FGD4: variants seen among roughly 807,000 people sequenced by gnomAD.
FGD4 encodes FYVE, RhoGEF and PH domain-containing protein 4.
Under a neutral mutation model 102.0 loss-of-function variants are expected in FGD4, and 42 were observed. That is an observed-to-expected ratio of 0.41 (90% CI 0.32 to 0.53). The LOEUF is 0.53. Among genes scored for constraint, FGD4 ranks in the 20% least tolerant of loss-of-function variants. The pLI is 0.21. For missense variants in FGD4, 902 were observed against 1,078.2 expected (o/e 0.84, Z 2.29); for synonymous variants, 380 against 375.7 (o/e 1.01, Z -0.13).
At chr12:32,597,944 C>G (rs1381809385) in intron 4 of FGD4, among the ~76,000 whole-genome samples, 9 of 152,150 alleles carry the variant, frequency 5.9e-5, no homozygotes, top group Admixed American at 5.9e-4. Context: ...GTGGCACAGT[C>G]ATGGCTTACA....
intron 1 of FGD4, among the ~76,000 whole-genome samples, chr12:32,470,622 T>A (rs961085380): frequency 6.6e-6 from 1 of 151,824 alleles, no homozygotes; most frequent in Non-Finnish European, 1.5e-5. Flanking sequence ...CCTGGGTAAT[T>A]TTTGTATTTT....
intron 10 of FGD4, among the ~76,000 whole-genome samples, chr12:32,613,090 A>G (rs188299435): frequency 6.6e-6 from 1 of 152,340 alleles, no homozygotes; most frequent in East Asian, 1.9e-4. Context: ...TCTAATTGTT[A>G]TTAAAGAGAA....
chr12:32,438,030 T>G (rs1250942192), intron 1 of FGD4, among the ~76,000 whole-genome samples: 1 of 152,204 alleles, frequency 6.6e-6, no homozygotes, highest in Non-Finnish European at 1.5e-5. Flanking sequence ...TAGCTGGGGC[T>G]ACAGGCATAC....
intron 1 of FGD4, among the ~76,000 whole-genome samples, chr12:32,404,777 A>G (rs1192043659): frequency 6.6e-6 from 1 of 152,168 alleles, no homozygotes; most frequent in Non-Finnish European, 1.5e-5. Context: ...ACAATGTTCT[A>G]AACAAGTAAA....
chr12:32,451,275 A>G (rs181580196), intron 1 of FGD4, among the ~76,000 whole-genome samples: 22 of 152,318 alleles, frequency 1.4e-4, no homozygotes, highest in Non-Finnish European at 1.3e-4. Context: ...GCACATTATT[A>G]TTAGACAGCT....
intron 1 of FGD4, among the ~76,000 whole-genome samples, chr12:32,534,019 G>A (rs1942027648): frequency 1.3e-5 from 2 of 152,282 alleles, no homozygotes; most frequent in South Asian, 4.1e-4. Context: ...CAACATCTTT[G>A]GTCCAGGGCA....
At chr12:32,507,741 A>G (rs1386079092) in intron 1 of FGD4, among the ~76,000 whole-genome samples, 1 of 152,210 alleles carries the variant, frequency 6.6e-6, no homozygotes, top group African/African-American at 2.4e-5. Flanking sequence ...TAGGCCAGTC[A>G]CTTAACTTCC....
rs71445901 is a variant in FGD4 at position 32,454,070 on chromosome 12, TA to T, written c.166+54122del. Among the ~76,000 whole-genome samples the T allele has an allele frequency of 1.2e-3, 172 of 144,740 alleles. 1 individual carries two copies. The highest frequency in any genetic ancestry group is 2.9e-3 in the South Asian group (13 of 4,552). 95.0% of individuals were successfully genotyped at this position (144,740 alleles called of 152,430 possible). A position where few individuals can be genotyped will look rare whatever the true frequency, so the allele number is the denominator to read the frequency against. On this transcript the variant is annotated intron_variant, in intron 1 of 16. Transcript: ENST00000534526. ...AACTGAAGATAAAATGTGAAATGAT[TA>T]AAAAAAAAAAGGTTTATTTCCTAAC...
At chr12:32,512,446 C>CAA (rs764927551) in intron 1 of FGD4, among the ~76,000 whole-genome samples, 7 of 130,256 alleles carry the variant, frequency 5.4e-5, no homozygotes, top group African/African-American at 8.4e-5. Context: ...GACTCTGTCT[C>CAA]AAAAAAAAAA....
intron 15 of FGD4, among the ~76,000 whole-genome samples, chr12:32,636,071 TTG>T (rs1033186212): frequency 1.1e-4 from 17 of 151,344 alleles, no homozygotes; most frequent in African/African-American, 4.1e-4. Flanking sequence ...ATGGAATTCT[TTG>T]GGGGAGGATA....
chr12:32,610,973 C>G (rs1018535665), intron 9 of FGD4, 139 bp downstream of exon 9: 17 of 1,255,604 alleles, frequency 1.4e-5, no homozygotes, highest in South Asian at 5.1e-5. Context: ...TTAATGTTAT[C>G]TGGAATAATT....
At chr12:32,535,372 C>T (rs112086570) in intron 1 of FGD4, among the ~76,000 whole-genome samples, 258 of 152,258 alleles carry the variant, frequency 1.7e-3, no homozygotes, top group Non-Finnish European at 2.6e-3. Context: ...CAGGGGCATA[C>T]GCTGAGTGTG....
chr12:32,403,415 T>C (rs985437249), intron 1 of FGD4, among the ~76,000 whole-genome samples: 5 of 152,150 alleles, frequency 3.3e-5, no homozygotes, highest in African/African-American at 9.7e-5. Context: ...TCTTAATTTC[T>C]ACGTTTCTTC....
At chr12:32,477,252 A>C (rs1591977483) in intron 1 of FGD4, 1 of 151,346 alleles carries the variant, frequency 6.6e-6, no homozygotes, top group African/African-American at 2.4e-5. Context: ...TATGCACTGC[A>C]CTCCAGCCTA....
chr12:32,502,501 A>C (rs1938305936), intron 1 of FGD4, among the ~76,000 whole-genome samples: 1 of 152,178 alleles, frequency 6.6e-6, no homozygotes, highest in African/African-American at 2.4e-5. Flanking sequence ...ATGCCTATGC[A>C]ATTACATGTT....
chr12:32,416,443 T>G (rs1941415794), intron 1 of FGD4, among the ~76,000 whole-genome samples: 2 of 152,222 alleles, frequency 1.3e-5, no homozygotes, highest in African/African-American at 4.8e-5. Context: ...CTGTCTTCCT[T>G]TTAGTGAAGA....
intron 1 of FGD4, among the ~76,000 whole-genome samples, chr12:32,457,043 T>C (rs1942966831): frequency 6.6e-6 from 1 of 152,220 alleles, no homozygotes; most frequent in African/African-American, 2.4e-5. Context: ...TTCTAAGCTC[T>C]GTAATGAGCA....
In FGD4 at chr12:32,582,319, C is replaced by G; in HGVS notation, c.863C>G (p.Ala288Gly). ...SPTTDSCDGNASDSSYRTPGI... is the reference protein window; with the variant it reads ...SPTTDSCDGNGSDSSYRTPGI... ...ACAACAGACAGCTGTGATGGAAATGCTTCTGACAGTAGCTACAGGACTCCA... is the reference window on the plus strand; with the variant it reads ...ACAACAGACAGCTGTGATGGAAATGGTTCTGACAGTAGCTACAGGACTCCA... The change falls in exon 4 of 17, where the codon GCT becomes GGT. Residue 288 changes from alanine (A) to glycine (G), a missense_variant. Ala to Gly is a moderately conservative substitution (Grantham distance 60, BLOSUM62 0). Around this residue, in one of 2 missense-constraint regions of FGD4, gnomAD observed 443 missense variants for 459.2 expected, o/e 0.96. Transcript: ENST00000534526. 1 of 1,614,210 alleles carries G rather than the reference C, an allele frequency of 6.2e-7. No homozygotes were observed. Among genetic ancestry groups the G allele is most frequent in the South Asian group, 1.1e-5 (1 of 91,088 alleles).
intron 1 of FGD4, among the ~76,000 whole-genome samples, chr12:32,526,868 G>A (rs1025528345): frequency 2.6e-5 from 4 of 152,264 alleles, no homozygotes; most frequent in African/African-American, 7.2e-5. Flanking sequence ...CTTCATTCTT[G>A]AAGTCAGTGA....
Sources: gnomAD v4.1 joint callset for allele counts (sites outside exome capture counted in the v4.1 genomes callset) on GRCh38, gnomAD v4.1.1 for gene constraint, gnomAD v4.1.1 regional missense constraint, MANE v1.5 for transcripts, NCBI Gene and HGNC (gene_info 2026-07-23, HGNC 2026-07-21) for gene names.